CDH12: variants seen among roughly 807,000 people sequenced by gnomAD.
CDH12 encodes cadherin-12.
CDH12 carries 41 observed loss-of-function variants against 74.1 expected under a neutral mutation model. The observed-to-expected ratio is 0.55, with a 90% CI of 0.43 to 0.72. The LOEUF (loss-of-function observed/expected upper bound fraction) is 0.72. Ranked by LOEUF, CDH12 falls within the 30% of genes least tolerant of loss-of-function variation. The pLI is 0.00. For synonymous variants in CDH12, 399 were observed against 355.0 expected (o/e 1.12, Z -1.39); for missense variants, 945 against 977.2 (o/e 0.97, Z 0.44).
chr5:22,291,255 T>G (rs1737376401), intron 3 of CDH12, among the ~76,000 whole-genome samples: 1 of 152,132 alleles, frequency 6.6e-6, no homozygotes, highest in African/African-American at 2.4e-5. Flanking sequence ...AACCCACAGC[T>G]AATATCATAC....
chr5:22,170,578 GCTT>G lies in CDH12; in HGVS notation c.-187+41917_-187+41919del, dbSNP rs1220193929. Among the ~76,000 whole-genome samples, 148 of 150,516 alleles carry G rather than the reference GCTT, an allele frequency of 9.8e-4. 1 individual carries two copies. The highest frequency in any genetic ancestry group is 3.5e-3 in the African/African-American group (145 of 41,202). Reference sequence around the variant, plus strand: ...CTTCTTATATATAACTTATATATAAGCTTCTTATATATAAGTTATATATAAGCT... The same window carrying G: ...CTTCTTATATATAACTTATATATAAGCTTATATATAAGTTATATATAAGCT... On this transcript the variant is annotated intron_variant, in intron 4 of 14. Transcript: ENST00000382254.
At position 22,233,127 on chromosome 5, in the gene CDH12, A is replaced by C. The variant is rs540217317; in HGVS notation, c.-332-20484T>G. 7.6e-4 allele frequency among the ~76,000 whole-genome samples: 116 copies of C among 151,654 alleles called. 1 individual carries two copies. Among genetic ancestry groups the C allele is most frequent in the Admixed American group, 3.8e-3 (57 of 15,192 alleles). On this transcript the variant is annotated intron_variant, in intron 3 of 14. Coordinates refer to ENST00000382254, the MANE Select transcript of CDH12 (RefSeq NM_004061.5). ...TTTAAAGGTTATTATCAACATTCTA[A>C]AGCCTTTGGATTTCCACACACATTT... is the stretch of plus-strand genomic sequence containing the variant.
intron 1 of CDH12, among the ~76,000 whole-genome samples, chr5:22,721,940 C>T (rs1743919157): frequency 6.6e-6 from 1 of 152,166 alleles, no homozygotes; most frequent in African/African-American, 2.4e-5. Flanking sequence ...CCATGCAGAA[C>T]TGTGAGTCAA....
chr5:22,522,655 T>C (rs1737103288), intron 1 of CDH12, among the ~76,000 whole-genome samples: 1 of 152,216 alleles, frequency 6.6e-6, no homozygotes, highest in Non-Finnish European at 1.5e-5. Flanking sequence ...CAAATAGCTA[T>C]GAACTGTTTC....
intron 5 of CDH12, among the ~76,000 whole-genome samples, chr5:22,054,387 A>G (rs748618738): frequency 7.2e-5 from 11 of 152,154 alleles, no homozygotes; most frequent in Non-Finnish European, 1.2e-4. Flanking sequence ...TTTTGAAACT[A>G]GAAAACTTTT....
intron 3 of CDH12, among the ~76,000 whole-genome samples, chr5:22,279,657 G>A (rs1290241904): frequency 1.3e-5 from 2 of 152,034 alleles, no homozygotes; most frequent in East Asian, 1.9e-4. Context: ...ATAGTTTGCT[G>A]AGAATGATGG....
At chr5:22,473,789 T>A (rs1234597434) in intron 2 of CDH12, among the ~76,000 whole-genome samples, 1 of 152,146 alleles carries the variant, frequency 6.6e-6, no homozygotes, top group African/African-American at 2.4e-5. Context: ...GCTGATATAG[T>A]GTAAATTGAT....
At chr5:22,480,413 T>A (rs145920819) in intron 2 of CDH12, among the ~76,000 whole-genome samples, 1 of 151,498 alleles carries the variant, frequency 6.6e-6, no homozygotes, top group Non-Finnish European at 1.5e-5. Context: ...TGAAACTTTG[T>A]CTCTACAAAA....
At chr5:22,621,724 A>G (rs1421027808) in intron 1 of CDH12, among the ~76,000 whole-genome samples, 1 of 152,084 alleles carries the variant, frequency 6.6e-6, no homozygotes, top group Non-Finnish European at 1.5e-5. Flanking sequence ...CAAACTTATA[A>G]CACTAAATTT....
At chr5:22,511,279 A>G (rs1443325319) in intron 1 of CDH12, among the ~76,000 whole-genome samples, 2 of 152,204 alleles carry the variant, frequency 1.3e-5, no homozygotes, top group Non-Finnish European at 2.9e-5. Flanking sequence ...TTAAAATCAT[A>G]TATTTAAAGC....
chr5:22,101,663 A>T (rs1453357683), intron 4 of CDH12, among the ~76,000 whole-genome samples: 1 of 152,200 alleles, frequency 6.6e-6, no homozygotes, highest in Non-Finnish European at 1.5e-5. Flanking sequence ...CTATGAGAAA[A>T]CACATAGCAT....
At chr5:22,693,580 T>C (rs1742197413) in intron 1 of CDH12, among the ~76,000 whole-genome samples, 1 of 152,194 alleles carries the variant, frequency 6.6e-6, no homozygotes, top group Non-Finnish European at 1.5e-5. Context: ...TGAACATTAT[T>C]CGTAATGTTG....
At chr5:22,161,577 G>A (rs994553911) in intron 4 of CDH12, among the ~76,000 whole-genome samples, 4 of 152,124 alleles carry the variant, frequency 2.6e-5, no homozygotes, top group African/African-American at 9.6e-5. Context: ...ATGGTTGCAC[G>A]TGCATGTAAG....
At chr5:22,434,477 A>G (rs1326607073) in intron 2 of CDH12, among the ~76,000 whole-genome samples, 5 of 152,106 alleles carry the variant, frequency 3.3e-5, no homozygotes, top group Admixed American at 3.3e-4. Flanking sequence ...AGCGTGTCAT[A>G]GAACATTAAA....
chr5:22,044,568 T>C (rs996861285), intron 5 of CDH12, among the ~76,000 whole-genome samples: 1 of 152,090 alleles, frequency 6.6e-6, no homozygotes, highest in Non-Finnish European at 1.5e-5. Flanking sequence ...TCCCTCAACA[T>C]GTGGGGATTA....
chr5:22,564,778 A>G (rs2126755888), intron 1 of CDH12, among the ~76,000 whole-genome samples: 1 of 152,142 alleles, frequency 6.6e-6, no homozygotes, highest in South Asian at 2.1e-4. Context: ...ATGCATTCTG[A>G]TGTAAAATTT....
intron 3 of CDH12, among the ~76,000 whole-genome samples, chr5:22,254,500 C>T (rs1373508199): frequency 1.3e-5 from 2 of 151,484 alleles, no homozygotes; most frequent in Non-Finnish European, 3.0e-5. Context: ...TCTTTTGTAC[C>T]TTATTTCAAA....
At chr5:21,803,428 A>G (rs373908700) in intron 9 of CDH12, among the ~76,000 whole-genome samples, 6 of 152,246 alleles carry the variant, frequency 3.9e-5, no homozygotes, top group Non-Finnish European at 1.5e-5. Context: ...GGCTTTATAT[A>G]TTAATATATA....
At chr5:22,529,135 GCATATATATACA>G (rs199620871) in intron 1 of CDH12, among the ~76,000 whole-genome samples, 5,897 of 81,070 alleles carry the variant, frequency 0.073, 210 homozygotes, top group Non-Finnish European at 0.1. Context: ...ATGAATATAT[GCATATATATACA>G]CATATATATA....
Sources: allele counts gnomAD v4.1 joint callset (sites outside exome capture counted in the v4.1 genomes callset), GRCh38; gene constraint gnomAD v4.1.1; transcripts MANE v1.5; gene names NCBI Gene and HGNC (gene_info 2026-07-23, HGNC 2026-07-21).